The following SORCS1 variants were observed in gnomAD, a reference collection of about 807,000 sequenced individuals.
The protein encoded by SORCS1 is VPS10 domain-containing receptor SorCS1.
Under a neutral mutation model 146.1 loss-of-function variants are expected in SORCS1, and 60 were observed. That is an observed-to-expected ratio of 0.41 (90% CI 0.33 to 0.51). The LOEUF (loss-of-function observed/expected upper bound fraction) is 0.51. Among genes scored for constraint, SORCS1 ranks in the 20% least tolerant of loss-of-function variants. SORCS1 has a pLI of 0.21. For synonymous variants in SORCS1, 637 were observed against 584.0 expected (o/e 1.09, Z -1.31); for missense variants, 1,352 against 1,487.6 (o/e 0.91, Z 1.50).
chr10:107,048,752 T>C (rs1412732702), intron 1 of SORCS1, among the ~76,000 whole-genome samples: 1 of 152,154 alleles, frequency 6.6e-6, no homozygotes, highest in Non-Finnish European at 1.5e-5. Context: ...AAAAGCAATC[T>C]GTATTCAGCC....
intron 1 of SORCS1, among the ~76,000 whole-genome samples, chr10:107,117,182 G>C (rs1248037570): frequency 6.6e-6 from 1 of 152,068 alleles, no homozygotes; most frequent in Non-Finnish European, 1.5e-5. Context: ...GATTAATATG[G>C]GTGTGAACTA....
At chr10:106,675,183 C>T in intron 13 of SORCS1, 27 bp from the exon 14 acceptor site, 1 of 1,526,108 alleles carries the variant, frequency 6.6e-7, no homozygotes, top group Non-Finnish European at 9.1e-7. Flanking sequence ...TATCAGTCAT[C>T]AGATCTCCAA....
intron 2 of SORCS1, among the ~76,000 whole-genome samples, chr10:106,849,325 C>T (rs1321691544): frequency 2.7e-5 from 4 of 150,524 alleles, no homozygotes; most frequent in Admixed American, 6.7e-5. Flanking sequence ...TCTCGCTTCA[C>T]TTCATTCATT....
At chr10:107,065,419 C>CT (rs769915590) in intron 1 of SORCS1, among the ~76,000 whole-genome samples, 1 of 87,440 alleles carries the variant, frequency 1.1e-5, no homozygotes, top group Non-Finnish European at 3.0e-5. Context: ...TCTTTCTTTT[C>CT]TTTCTTTCTT....
At chr10:106,813,944 C>T (rs980857310) in intron 3 of SORCS1, among the ~76,000 whole-genome samples, 7 of 152,178 alleles carry the variant, frequency 4.6e-5, no homozygotes, top group African/African-American at 1.4e-4. Context: ...CAGAGTGAGA[C>T]ATTGTCTCAA....
intron 1 of SORCS1, among the ~76,000 whole-genome samples, chr10:107,122,172 A>G (rs981918470): frequency 6.6e-6 from 1 of 152,310 alleles, no homozygotes; most frequent in East Asian, 1.9e-4. Flanking sequence ...CGTTCAAATG[A>G]CATTCTTATT....
intron 5 of SORCS1, among the ~76,000 whole-genome samples, chr10:106,750,884 C>T (rs188545776): frequency 6.7e-6 from 1 of 149,712 alleles, no homozygotes; most frequent in African/African-American, 2.4e-5. Flanking sequence ...ACGGTGAAAC[C>T]CCCTCTCTAC....
At chr10:107,137,596 G>T (rs142577001) in intron 1 of SORCS1, among the ~76,000 whole-genome samples, 3 of 152,134 alleles carry the variant, frequency 2.0e-5, no homozygotes, top group African/African-American at 4.8e-5. Context: ...AGGTGTGGTG[G>T]CTCCGCCTGT....
At chr10:106,606,965 T>C (rs1846642237) in intron 23 of SORCS1, among the ~76,000 whole-genome samples, 1 of 152,184 alleles carries the variant, frequency 6.6e-6, no homozygotes, top group African/African-American at 2.4e-5. Flanking sequence ...TAAACCCCCT[T>C]TATAAATTAC....
chr10:106,959,662 A>C (rs933574696), intron 1 of SORCS1, among the ~76,000 whole-genome samples: 1 of 152,196 alleles, frequency 6.6e-6, no homozygotes, highest in East Asian at 1.9e-4. Flanking sequence ...ATGGGGCAAA[A>C]TGAAGCTGTT....
At chr10:106,626,399 C>T (rs1285283413) in intron 19 of SORCS1, among the ~76,000 whole-genome samples, 2 of 152,096 alleles carry the variant, frequency 1.3e-5, no homozygotes, top group Non-Finnish European at 2.9e-5. Flanking sequence ...AGTGACTTCC[C>T]CAGGAGTTTG....
intron 24 of SORCS1, among the ~76,000 whole-genome samples, chr10:106,584,452 A>G (rs1845103988): frequency 6.6e-6 from 1 of 152,242 alleles, no homozygotes; most frequent in African/African-American, 2.4e-5. Context: ...CCAAAACCCA[A>G]GTAAAGAGTA....
chr10:107,115,658 T>C (rs113275706), intron 1 of SORCS1, among the ~76,000 whole-genome samples: 1,874 of 152,154 alleles, frequency 0.012, 36 homozygotes, highest in African/African-American at 0.042. Context: ...GAAGAAAACA[T>C]AGTTTAAAAG....
intron 19 of SORCS1, among the ~76,000 whole-genome samples, chr10:106,626,077 C>A (rs1296307554): frequency 1.3e-5 from 2 of 152,164 alleles, no homozygotes; most frequent in African/African-American, 2.4e-5. Context: ...TTCAGATGAC[C>A]TTTGCAAACC....
At chr10:106,995,708 G>A (rs534333778) in intron 1 of SORCS1, among the ~76,000 whole-genome samples, 2 of 152,154 alleles carry the variant, frequency 1.3e-5, no homozygotes, top group South Asian at 4.2e-4. Flanking sequence ...ATTCGTCATG[G>A]TAGAAACAGT....
intron 1 of SORCS1, among the ~76,000 whole-genome samples, chr10:107,086,249 A>G (rs1476438442): frequency 6.6e-6 from 1 of 152,208 alleles, no homozygotes; most frequent in Non-Finnish European, 1.5e-5. Context: ...AAATGTGAAT[A>G]TACAGATGCA....
At chr10:106,943,294 T>C (rs1205356007) in intron 2 of SORCS1, among the ~76,000 whole-genome samples, 2 of 152,210 alleles carry the variant, frequency 1.3e-5, no homozygotes, top group Non-Finnish European at 2.9e-5. Context: ...CAGACTTCTG[T>C]ATGTCTAGGA....
chr10:106,849,407 T>C (rs1333849885), intron 2 of SORCS1, among the ~76,000 whole-genome samples: 4 of 147,460 alleles, frequency 2.7e-5, no homozygotes, highest in Non-Finnish European at 4.5e-5. Context: ...ATTCTTCAGG[T>C]AGTTCTTGAG....
chr10:107,006,574 T>C (rs529637005), intron 1 of SORCS1, among the ~76,000 whole-genome samples: 1 of 152,146 alleles, frequency 6.6e-6, no homozygotes. Context: ...TCCCAGCACT[T>C]TGGGAGGCCG....
Sources: allele counts gnomAD v4.1 joint callset (sites outside exome capture counted in the v4.1 genomes callset), GRCh38; gene constraint gnomAD v4.1.1; transcripts MANE v1.5; gene names NCBI Gene and HGNC (gene_info 2026-07-23, HGNC 2026-07-21).